IPCEF1: variants seen among roughly 807,000 people sequenced by gnomAD.
IPCEF1 encodes interactor protein for cytohesin exchange factors 1.
IPCEF1 carries 31 observed loss-of-function variants against 50.9 expected under a neutral mutation model. That is an observed-to-expected ratio of 0.61 (90% CI 0.46 to 0.82). The LOEUF (loss-of-function observed/expected upper bound fraction) is 0.82, where lower values mean the gene tolerates loss of function less well. Ranked by LOEUF, IPCEF1 falls within the 40% of genes least tolerant of loss-of-function variation. The pLI, the probability that IPCEF1 is intolerant of heterozygous loss-of-function variation, is 0.00. For synonymous variants in IPCEF1, 181 were observed against 192.0 expected (o/e 0.94, Z 0.47); for missense variants, 458 against 514.0 (o/e 0.89, Z 1.05).
At chr6:154,298,464 A>T (rs1782716236) in intron 1 of IPCEF1, among the ~76,000 whole-genome samples, 1 of 152,230 alleles carries the variant, frequency 6.6e-6, no homozygotes, top group African/African-American at 2.4e-5. Context: ...CAAACATTTC[A>T]TGAGTCATAG....
chr6:154,337,156 G>A (rs1292808666), intron 1 of IPCEF1, among the ~76,000 whole-genome samples: 4 of 152,050 alleles, frequency 2.6e-5, no homozygotes, highest in Non-Finnish European at 5.9e-5. Flanking sequence ...GAAAAAATGT[G>A]CACAAACATA....
At chr6:154,307,907 A>G (rs7759181) in intron 1 of IPCEF1, among the ~76,000 whole-genome samples, 43,495 of 152,062 alleles carry the variant, frequency 0.29, 9,443 homozygotes, top group African/African-American at 0.6. Flanking sequence ...CCTCACATCC[A>G]CCCACTGACA....
intron 2 of IPCEF1, among the ~76,000 whole-genome samples, chr6:154,289,479 A>C (rs1257378695): frequency 1.3e-5 from 2 of 151,752 alleles, no homozygotes; most frequent in East Asian, 3.9e-4. Flanking sequence ...ACCCATAAAT[A>C]AATAAATAAA....
At chr6:154,284,966 C>T (rs529215431) in intron 2 of IPCEF1, among the ~76,000 whole-genome samples, 2 of 152,254 alleles carry the variant, frequency 1.3e-5, no homozygotes, top group South Asian at 4.1e-4. Context: ...CGCCACTGCA[C>T]TCCAGCCTGG....
intron 2 of IPCEF1, among the ~76,000 whole-genome samples, chr6:154,288,686 A>AAAAAAAAAAAAAAAAAAAAAC (rs1782434739): frequency 1.7e-5 from 1 of 57,488 alleles, no homozygotes; most frequent in African/African-American, 7.5e-5. Flanking sequence ...CAAAAAAAAA[A>AAAAAAAAAAAAAAAAAAAAAC]AAAAAAAAAA....
chr6:154,171,440 GAAT>G (rs1216762253), intron 10 of IPCEF1, among the ~76,000 whole-genome samples: 7 of 152,150 alleles, frequency 4.6e-5, no homozygotes, highest in African/African-American at 1.7e-4. Context: ...ACAGAAACCA[GAAT>G]AATAATTGCC....
At chr6:154,173,124 A>T (rs75684686) in intron 10 of IPCEF1, among the ~76,000 whole-genome samples, 5,809 of 152,310 alleles carry the variant, frequency 0.038, 356 homozygotes, top group African/African-American at 0.13. Flanking sequence ...TAGCATCAAC[A>T]TCAACAAAAA....
chr6:154,198,188 T>C (rs1037120007), intron 10 of IPCEF1, among the ~76,000 whole-genome samples: 3 of 152,226 alleles, frequency 2.0e-5, no homozygotes, highest in African/African-American at 7.2e-5. Flanking sequence ...AAAAAAGTTC[T>C]TATGCTGAGC....
chr6:154,195,854 C>T (rs1014552470), intron 10 of IPCEF1, among the ~76,000 whole-genome samples: 1 of 148,904 alleles, frequency 6.7e-6, no homozygotes, highest in South Asian at 2.1e-4. Context: ...TGCAGTGGTG[C>T]AATCTCGGCT....
At chr6:154,264,898 C>T (rs1781715084) in intron 3 of IPCEF1, among the ~76,000 whole-genome samples, 1 of 152,188 alleles carries the variant, frequency 6.6e-6, no homozygotes, top group Non-Finnish European at 1.5e-5. Context: ...CCTGTTACCA[C>T]AAAGTCCCTT....
chr6:154,205,710 A>G (rs1777436956), intron 9 of IPCEF1, among the ~76,000 whole-genome samples: 1 of 152,250 alleles, frequency 6.6e-6, no homozygotes, highest in Non-Finnish European at 1.5e-5. Context: ...TGTGTATTGT[A>G]GAAATATTTC....
intron 3 of IPCEF1, among the ~76,000 whole-genome samples, chr6:154,248,889 C>T (rs1781269261): frequency 2.0e-5 from 3 of 152,042 alleles, no homozygotes; most frequent in South Asian, 4.2e-4. Context: ...TTGAGATAAA[C>T]AAATACTTTA....
At chr6:154,313,359 A>G (rs1236871221) in intron 1 of IPCEF1, among the ~76,000 whole-genome samples, 2 of 151,720 alleles carry the variant, frequency 1.3e-5, no homozygotes, top group Non-Finnish European at 2.9e-5. Flanking sequence ...TGAGCAAGAG[A>G]GCAAGATTCT....
At chr6:154,232,027 C>G (rs1359667606) in intron 5 of IPCEF1, among the ~76,000 whole-genome samples, 1 of 152,132 alleles carries the variant, frequency 6.6e-6, no homozygotes, top group Non-Finnish European at 1.5e-5. Flanking sequence ...ATGTTATTAT[C>G]ATTTTTACAT....
chr6:154,163,578 A>G (rs1219159799), intron 11 of IPCEF1, among the ~76,000 whole-genome samples: 1 of 152,218 alleles, frequency 6.6e-6, no homozygotes, highest in Admixed American at 6.5e-5. Context: ...AGGCCTTTTT[A>G]TCTGACATGC....
intron 1 of IPCEF1, among the ~76,000 whole-genome samples, chr6:154,321,019 C>T (rs1441236878): frequency 6.6e-6 from 1 of 152,030 alleles, no homozygotes; most frequent in Non-Finnish European, 1.5e-5. Flanking sequence ...TAGCCTTGAC[C>T]TCCTGGGCTC....
intron 10 of IPCEF1, among the ~76,000 whole-genome samples, chr6:154,183,584 C>G (rs1289946280): frequency 2.0e-5 from 3 of 152,180 alleles, no homozygotes; most frequent in Non-Finnish European, 4.4e-5. Context: ...TATGTTCTAA[C>G]TACCATACTG....
intron 10 of IPCEF1, among the ~76,000 whole-genome samples, chr6:154,187,545 G>A (rs540586789): frequency 6.6e-6 from 1 of 152,254 alleles, no homozygotes; most frequent in Non-Finnish European, 1.5e-5. Context: ...AGCATTAGGT[G>A]GGTGACCTGT....
intron 10 of IPCEF1, among the ~76,000 whole-genome samples, chr6:154,190,008 G>A (rs758051478): frequency 7.9e-5 from 12 of 151,846 alleles, no homozygotes; most frequent in Non-Finnish European, 1.6e-4. Context: ...TCAATTATAG[G>A]TAAGAAATTA....
Sources: allele counts gnomAD v4.1 joint callset (sites outside exome capture counted in the v4.1 genomes callset), GRCh38; gene constraint gnomAD v4.1.1; transcripts MANE v1.5; gene names NCBI Gene and HGNC (gene_info 2026-07-23, HGNC 2026-07-21).